PABPC1: variants seen among roughly 807,000 people sequenced by gnomAD.
PABPC1 encodes the protein polyadenylate-binding protein 1.
Under a neutral mutation model 74.0 loss-of-function variants are expected in PABPC1, and 4 were observed. The observed-to-expected ratio is 0.05, with a 90% CI of 0.03 to 0.12. The LOEUF is 0.12. PABPC1 is among the 10% of genes least tolerant of loss of function. The pLI is 1.00. For missense variants in PABPC1, 271 were observed against 821.1 expected (o/e 0.33, Z 8.19); for synonymous variants, 227 against 264.1 (o/e 0.86, Z 1.36).
intron 1 of PABPC1, among the ~76,000 whole-genome samples, chr8:100,719,397 T>A (rs1165765514): frequency 6.6e-6 from 1 of 152,018 alleles, no homozygotes; most frequent in Non-Finnish European, 1.5e-5. Flanking sequence ...AGTTTTTTTT[T>A]TTTTTTAGCT....
chr8:100,712,037 ATGAAT>A, intron 7 of PABPC1, among the ~76,000 whole-genome samples: 1 of 152,374 alleles, frequency 6.6e-6, no homozygotes, highest in Non-Finnish European at 1.5e-5. Flanking sequence ...ACTACCCAGA[ATGAAT>A]TGTAGAAATG....
At chr8:100,715,311 G>A in intron 4 of PABPC1, 151 bp downstream of exon 4, 1 of 625,746 alleles carries the variant, frequency 1.6e-6, no homozygotes, top group East Asian at 2.7e-5. Flanking sequence ...TGTAATAGAT[G>A]GCCAGCAGCT....
At chr8:100,715,158 C>CAT (rs1189307757) in intron 4 of PABPC1, among the ~76,000 whole-genome samples, 1,741 of 76,206 alleles carry the variant, frequency 0.023, 46 homozygotes, top group African/African-American at 0.067. Flanking sequence ...CACACACACA[C>CAT]ATATATATCT....
rs1563611406 is a variant in PABPC1, at chr8:100,709,639, A to C, written c.1065T>G (p.Gly355=). 1 of 1,614,096 alleles carries C rather than the reference A, an allele frequency of 6.2e-7. No individual in the cohort carries two copies. The highest frequency in any genetic ancestry group is 8.5e-7 in the Non-Finnish European group (1 of 1,180,024). The part of the protein sequence containing the change: ...EATKAVTEMN[G]RIVATKPLYV... ...ACAATGGCTTTGTGGCCACAATTCTACCGTTCATTTCTGTAACTGCTTTAG... is the reference window on the plus strand; with the variant it reads ...ACAATGGCTTTGTGGCCACAATTCTCCCGTTCATTTCTGTAACTGCTTTAG... The change falls in exon 8 of 15, where the codon GGT becomes GGG. Residue 355 remains glycine (G), a synonymous_variant. Coordinates refer to ENST00000318607, the MANE Select transcript of PABPC1 (RefSeq NM_002568.4).
intron 14 of PABPC1, chr8:100,704,096 A>G: frequency 2.3e-6 from 1 of 439,822 alleles, no homozygotes; most frequent in Non-Finnish European, 4.1e-6. Context: ...AAGTCCTGGG[A>G]TTTTAAAAAT....
chr8:100,704,905 T>C lies in PABPC1; in HGVS notation c.1818+21A>G, dbSNP rs773363070. ...CGTAATAACTGTGTAAGAGGCAACT[T>C]GGTAAATAAATTTAAATCACCTTAG... is the stretch of plus-strand genomic sequence containing the variant. On this transcript the variant is annotated intron_variant, in intron 13 of 14. Transcript: ENST00000318607. The C allele has an allele frequency of 5.6e-6, 9 of 1,611,050 alleles. No individual in the cohort carries two copies. In the South Asian group the frequency reaches 7.7e-5, roughly 14 times the overall value.
chr8:100,712,604 A>AG, intron 6 of PABPC1, 48 bp downstream of exon 6: 1 of 1,575,964 alleles, frequency 6.3e-7, no homozygotes, highest in Non-Finnish European at 8.6e-7. Flanking sequence ...AACGTAAAAT[A>AG]GGTTTCCTCA....
At chr8:100,716,418 C>T (rs570621898) in intron 3 of PABPC1, among the ~76,000 whole-genome samples, 22 of 152,050 alleles carry the variant, frequency 1.4e-4, no homozygotes, top group African/African-American at 4.6e-4. Context: ...AAAAGAACAA[C>T]GATCACTGAA....
chr8:100,720,744 C>CT (rs1431689363), intron 1 of PABPC1, among the ~76,000 whole-genome samples: 1 of 152,194 alleles, frequency 6.6e-6, no homozygotes, highest in Non-Finnish European at 1.5e-5. Context: ...AAATGCATGT[C>CT]TCCGGTAAAT....
rs892972478 is a variant in PABPC1, at chr8:100,721,297, C to T, written c.193+94G>A. On this transcript the variant is annotated intron_variant, in intron 1 of 14. Coordinates refer to ENST00000318607, the MANE Select transcript of PABPC1 (RefSeq NM_002568.4). This position sits in a 1 kb window ranked among gnomAD's most constrained non-coding sequence, Gnocchi z 7.4. Reference sequence around the variant, plus strand: ...GCGGGGTGACATGCCCTCCCGCCCCCCTCCCCGGGCCCGCCGGCCTACCCC... The same window carrying T: ...GCGGGGTGACATGCCCTCCCGCCCCTCTCCCCGGGCCCGCCGGCCTACCCC... The T allele has an allele frequency of 1.2e-5, 6 of 513,970 alleles. 1 individual carries two copies. The highest frequency in any genetic ancestry group is 1.6e-5 in the Non-Finnish European group (6 of 380,472). 31.8% of individuals were successfully genotyped at this position (513,970 alleles called of 1,614,324 possible).
chr8:100,712,283 A>G (rs1810548327), intron 7 of PABPC1, 79 bp downstream of exon 7: 4 of 809,498 alleles, frequency 4.9e-6, no homozygotes, highest in South Asian at 3.8e-5. Flanking sequence ...TGGCTATAAT[A>G]ATACAAAATT....
chr8:100,704,266 T>C (rs1466391095), intron 14 of PABPC1, 31 bp downstream of exon 14: 2 of 1,535,954 alleles, frequency 1.3e-6, no homozygotes, highest in Non-Finnish European at 1.8e-6. Flanking sequence ...GAAAACAAGC[T>C]TAAAACAACA....
At chr8:100,705,814 A>G (rs1810364186) in intron 11 of PABPC1, 141 bp from the exon 12 acceptor site, 2 of 652,578 alleles carry the variant, frequency 3.1e-6, no homozygotes, top group African/African-American at 1.8e-5. Context: ...ATTAGAAAGA[A>G]GCCAAAGTAG....
At position 100,705,456 on chromosome 8, in the gene PABPC1, G is replaced by A. The variant is rs149292396; in HGVS notation, c.1687+133C>T. 1.4e-5 allele frequency: 10 copies of A among 725,848 alleles called. No individual in the cohort carries two copies. In the East Asian group the frequency reaches 1.6e-4, roughly 12 times the overall value. The allele number at this position is 725,848 out of a possible 1,614,324, so 45.0% of individuals were successfully genotyped here. On this transcript the variant is annotated intron_variant, in intron 12 of 14. Coordinates refer to ENST00000318607, the MANE Select transcript of PABPC1 (RefSeq NM_002568.4). ...GTGGTTTTAATTAGGCAGACCAACTGTACTATCATAATCATTCATGCCAAT... is the reference window on the plus strand; with the variant it reads ...GTGGTTTTAATTAGGCAGACCAACTATACTATCATAATCATTCATGCCAAT...
intron 13 of PABPC1, among the ~76,000 whole-genome samples, chr8:100,704,619 G>A (rs1398344989): frequency 2.0e-5 from 3 of 152,108 alleles, no homozygotes; most frequent in Non-Finnish European, 2.9e-5. Context: ...CCCCACACTC[G>A]AAAAATATTT....
At position 100,709,905 on chromosome 8, in the gene PABPC1, A is replaced by G. The variant is rs889888701; in HGVS notation, c.973-174T>C. 14 of 680,748 alleles carry G rather than the reference A, an allele frequency of 2.1e-5. No individual in the cohort carries two copies. The Admixed American group carries it at 4.1e-4, about 20-fold the overall frequency. The allele number at this position is 680,748 out of a possible 1,614,324, so 42.2% of individuals were successfully genotyped here. A position where few individuals can be genotyped will look rare whatever the true frequency, so the allele number is the denominator to read the frequency against. On this transcript the variant is annotated intron_variant, in intron 7 of 14. Coordinates refer to ENST00000318607, the MANE Select transcript of PABPC1 (RefSeq NM_002568.4). The stretch of plus-strand genomic sequence containing the variant: ...AATTTTTCCTTAATACCCAATTATT[A>G]AGGGCAAACTACACATATGCATTAC...
At chr8:100,713,697 G>A (rs75799715) in intron 4 of PABPC1, among the ~76,000 whole-genome samples, 1,843 of 152,150 alleles carry the variant, frequency 0.012, 13 homozygotes, top group Non-Finnish European at 0.019. Context: ...TATGTTGCCC[G>A]GGCTAGTCTA....
intron 6 of PABPC1, 59 bp from the exon 7 acceptor site, chr8:100,712,516 C>T: frequency 1.4e-6 from 2 of 1,453,312 alleles, no homozygotes; most frequent in South Asian, 1.2e-5. Context: ...CTAAGTACAT[C>T]GGGTCTATTA....
intron 8 of PABPC1, 104 bp downstream of exon 8, chr8:100,709,354 TC>T: frequency 1.3e-6 from 2 of 1,483,866 alleles, no homozygotes; most frequent in Non-Finnish European, 1.9e-6. Context: ...CAATCATAAT[TC>T]CCCTTTCTTA....
Sources: gnomAD v4.1 joint callset for allele counts (sites outside exome capture counted in the v4.1 genomes callset) on GRCh38, gnomAD v4.1.1 for gene constraint, Gnocchi (gnomAD v3.1) non-coding constraint, MANE v1.5 for transcripts, NCBI Gene and HGNC (gene_info 2026-07-23, HGNC 2026-07-21) for gene names.